The following IQGAP2 variants were observed in gnomAD, a reference collection of about 807,000 sequenced individuals.
IQGAP2 encodes ras GTPase-activating-like protein IQGAP2.
Under a neutral mutation model 201.3 loss-of-function variants are expected in IQGAP2, and 173 were observed. The observed-to-expected ratio is 0.86, with a 90% CI of 0.76 to 0.98. IQGAP2 has a LOEUF of 0.98. Among genes scored for constraint, IQGAP2 ranks in the 50% least tolerant of loss-of-function variants. The probability of loss-of-function intolerance (pLI) is 0.00; values close to 1 mark genes in which losing one functional copy is unlikely to be tolerated. For synonymous variants in IQGAP2, 675 were observed against 673.9 expected (o/e 1.00, Z -0.03); for missense variants, 1,687 against 1,864.8 (o/e 0.90, Z 1.76).
chr5:76,509,167 C>G (rs1757804511), intron 2 of IQGAP2, among the ~76,000 whole-genome samples: 1 of 151,934 alleles, frequency 6.6e-6, no homozygotes, highest in South Asian at 2.1e-4. Flanking sequence ...GCAGTAAATG[C>G]CACATGTTTA....
At chr5:76,424,993 G>A (rs992388681) in intron 1 of IQGAP2, among the ~76,000 whole-genome samples, 19 of 152,222 alleles carry the variant, frequency 1.2e-4, no homozygotes, top group African/African-American at 4.6e-4. Context: ...AGGGAAAGGA[G>A]AGCACGGTGC....
In IQGAP2 at chr5:76,670,574, T is replaced by C. The variant is rs535743592; in HGVS notation, c.2844-1185T>C. ...GGGAAGAGGAGCACAGCAAAGAAAA[T>C]AAAAAGGAATGACTGGGTAAGATAA... On this transcript the variant is annotated intron_variant, in intron 23 of 35. Coordinates refer to ENST00000274364, the MANE Select transcript of IQGAP2 (RefSeq NM_006633.5). Among the ~76,000 whole-genome samples the C allele has an allele frequency of 5.3e-5, 8 of 151,062 alleles. No individual in the cohort carries two copies. In the East Asian group the frequency reaches 1.6e-3, roughly 30 times the overall value.
chr5:76,593,757 G>A (rs933896929), intron 9 of IQGAP2, among the ~76,000 whole-genome samples: 12 of 152,128 alleles, frequency 7.9e-5, no homozygotes, highest in African/African-American at 2.9e-4. Flanking sequence ...AACTCCCTGC[G>A]AAATTAAAAT....
intron 1 of IQGAP2, among the ~76,000 whole-genome samples, chr5:76,415,628 T>G (rs181118764): frequency 2.0e-5 from 3 of 152,298 alleles, no homozygotes; most frequent in Admixed American, 2.0e-4. Context: ...TCTATAGCTG[T>G]TAAACTGTTG....
chr5:76,584,981 A>G (rs889642982), intron 5 of IQGAP2, among the ~76,000 whole-genome samples: 3 of 152,258 alleles, frequency 2.0e-5, no homozygotes, highest in Non-Finnish European at 4.4e-5. Context: ...TTACATTTAT[A>G]CACAGAAGAA....
chr5:76,516,747 G>C (rs1758353011), intron 2 of IQGAP2, among the ~76,000 whole-genome samples: 1 of 152,064 alleles, frequency 6.6e-6, no homozygotes, highest in Non-Finnish European at 1.5e-5. Context: ...TGTGTGAATT[G>C]GATCTTTGAA....
At chr5:76,418,545 T>TA (rs1751542061) in intron 1 of IQGAP2, among the ~76,000 whole-genome samples, 1 of 150,480 alleles carries the variant, frequency 6.6e-6, no homozygotes. Flanking sequence ...AAAAAATCTT[T>TA]AAAAATTAGC....
At chr5:76,604,010 G>A (rs1304767186) in intron 11 of IQGAP2, among the ~76,000 whole-genome samples, 1 of 152,006 alleles carries the variant, frequency 6.6e-6, no homozygotes, top group Non-Finnish European at 1.5e-5. Context: ...TTAAGTTCTG[G>A]GATACATGTG....
intron 2 of IQGAP2, among the ~76,000 whole-genome samples, chr5:76,523,241 C>T (rs1758792233): frequency 6.6e-6 from 1 of 151,570 alleles, no homozygotes; most frequent in South Asian, 2.1e-4. Context: ...GGCACCACCA[C>T]ACTCTGCTAA....
chr5:76,632,265 C>G (rs1116344), intron 15 of IQGAP2, among the ~76,000 whole-genome samples: 4 of 152,154 alleles, frequency 2.6e-5, no homozygotes, highest in Non-Finnish European at 4.4e-5. Context: ...TTTGAGGAGT[C>G]TGTGCCTTAT....
At chr5:76,495,830 T>A (rs1756861218) in intron 2 of IQGAP2, among the ~76,000 whole-genome samples, 1 of 152,178 alleles carries the variant, frequency 6.6e-6, no homozygotes. Context: ...AACTCACTTA[T>A]CACCAAGGGG....
chr5:76,492,584 G>C (rs76431346), intron 2 of IQGAP2, among the ~76,000 whole-genome samples: 1 of 152,202 alleles, frequency 6.6e-6, no homozygotes. Context: ...AGCCAGTTAC[G>C]GAGAGCCTTG....
chr5:76,674,456 T>C (rs1043146380), intron 26 of IQGAP2, 21 bp from the exon 27 acceptor site: 27 of 1,463,304 alleles, frequency 1.8e-5, no homozygotes, highest in Non-Finnish European at 2.4e-5. Flanking sequence ...AAAATGGTCA[T>C]GCACTTCTGC....
chr5:76,403,603 G>A lies in IQGAP2; in HGVS notation c.46+12G>A. 6.6e-7 allele frequency: 1 copy of A among 1,524,754 alleles called. No individual in the cohort carries two copies. Among genetic ancestry groups the A allele is most frequent in the Non-Finnish European group, 8.8e-7 (1 of 1,139,088 alleles). 94.5% of individuals were successfully genotyped at this position (1,524,754 alleles called of 1,614,324 possible). A position where few individuals can be genotyped will look rare whatever the true frequency, so the allele number is the denominator to read the frequency against. Reference sequence around the variant, plus strand: ...ACCCCGCTATGGCTGTAAGTGCGCCGGGCGCGCGGGGTTCCTGCTGGCCTT... The same window carrying A: ...ACCCCGCTATGGCTGTAAGTGCGCCAGGCGCGCGGGGTTCCTGCTGGCCTT... On this transcript the variant is annotated intron_variant, in intron 1 of 35. Coordinates refer to ENST00000274364, the MANE Select transcript of IQGAP2 (RefSeq NM_006633.5). This position sits in a 1 kb window ranked among gnomAD's most constrained non-coding sequence, Gnocchi z 4.8.
chr5:76,410,985 T>C (rs774195825), intron 1 of IQGAP2, among the ~76,000 whole-genome samples: 3 of 152,218 alleles, frequency 2.0e-5, no homozygotes, highest in East Asian at 1.9e-4. Context: ...TTATTTAGTA[T>C]ATGCAGTGGT....
At chr5:76,555,525 A>G (rs370423259) in intron 2 of IQGAP2, among the ~76,000 whole-genome samples, 1 of 152,166 alleles carries the variant, frequency 6.6e-6, no homozygotes, top group East Asian at 1.9e-4. Flanking sequence ...CCAACATACC[A>G]TACAAGTCAC....
At chr5:76,654,826 TA>T in intron 19 of IQGAP2, 107 bp from the exon 20 acceptor site, 1 of 700,102 alleles carries the variant, frequency 1.4e-6, no homozygotes, top group Non-Finnish European at 2.5e-6. Flanking sequence ...CTGTCAGTTC[TA>T]AGTAGTGTCA....
Position 76,461,670 on chromosome 5 carries a change from G to A in IQGAP2, c.146+1G>A. On this transcript the variant is annotated splice_donor_variant, in intron 2 of 35. Transcript: ENST00000274364. LOFTEE classifies it high-confidence loss of function. ...TGTGCCACTTAGAGGAAGCCAAAAGGTAAGATCCAGACTTAGTCTATTTGT... is the reference window on the plus strand; with the variant it reads ...TGTGCCACTTAGAGGAAGCCAAAAGATAAGATCCAGACTTAGTCTATTTGT... 1.9e-6 allele frequency: 3 copies of A among 1,603,256 alleles called. No homozygotes were observed. The highest frequency in any genetic ancestry group is 2.6e-6 in the Non-Finnish European group (3 of 1,170,104).
intron 1 of IQGAP2, among the ~76,000 whole-genome samples, chr5:76,449,815 G>A (rs1237816112): frequency 5.9e-5 from 9 of 152,172 alleles, no homozygotes; most frequent in Non-Finnish European, 1.2e-4. Context: ...CAGCTGACAT[G>A]TGGCATGAGG....
Sources: allele counts gnomAD v4.1 joint callset (sites outside exome capture counted in the v4.1 genomes callset), GRCh38; gene constraint gnomAD v4.1.1; non-coding constraint Gnocchi (gnomAD v3.1); transcripts MANE v1.5; gene names NCBI Gene and HGNC (gene_info 2026-07-23, HGNC 2026-07-21).